The following PLCE1 variants were observed in gnomAD, a reference collection of about 807,000 sequenced individuals.
PLCE1 encodes 1-phosphatidylinositol 4,5-bisphosphate phosphodiesterase epsilon-1.
PLCE1 carries 119 observed loss-of-function variants against 242.8 expected under a neutral mutation model. The observed-to-expected ratio is 0.49, with a 90% CI of 0.42 to 0.57. The LOEUF (loss-of-function observed/expected upper bound fraction) is 0.57. Among genes scored for constraint, PLCE1 ranks in the 20% least tolerant of loss-of-function variants. The pLI is 0.00. For missense variants in PLCE1, 2,441 were observed against 2,788.8 expected, an observed-to-expected ratio of 0.88 and a Z score of 2.81; for synonymous variants, 945 against 1,017.4, an observed-to-expected ratio of 0.93 and a Z score of 1.35.
Position 94,276,773 on chromosome 10 carries a change from C to T in PLCE1, c.4666-3009C>T, listed in dbSNP as rs141018907. On this transcript the variant is annotated intron_variant, in intron 19 of 32. Transcript: ENST00000371380. ...TTAATACCCCATCATGAAATTTTGT[C>T]AGCTATCACCTTGACACTGCCCACA... Among the ~76,000 whole-genome samples, 4 of 152,286 alleles carry T rather than the reference C, an allele frequency of 2.6e-5. No homozygotes were observed. In the East Asian group the frequency reaches 7.7e-4, roughly 29 times the overall value.
intron 1 of PLCE1, among the ~76,000 whole-genome samples, chr10:94,024,089 G>C (rs1304097969): frequency 6.6e-6 from 1 of 152,144 alleles, no homozygotes; most frequent in Non-Finnish European, 1.5e-5. Context: ...TTTGCATGTG[G>C]GTGTATACAC....
intron 4 of PLCE1, among the ~76,000 whole-genome samples, chr10:94,202,909 G>C (rs948017436): frequency 3.3e-5 from 5 of 152,114 alleles, no homozygotes; most frequent in African/African-American, 1.2e-4. Flanking sequence ...GTTTTTCTTT[G>C]TGATTCTTTC....
At chr10:94,209,228 T>C (rs564325315) in intron 4 of PLCE1, among the ~76,000 whole-genome samples, 4 of 152,348 alleles carry the variant, frequency 2.6e-5, no homozygotes, top group African/African-American at 9.6e-5. Flanking sequence ...CCTGAGTTTA[T>C]GTGCTACAGG....
intron 2 of PLCE1, among the ~76,000 whole-genome samples, chr10:94,045,729 C>T (rs939843858): frequency 1.3e-5 from 2 of 152,226 alleles, no homozygotes; most frequent in East Asian, 3.9e-4. Context: ...AGCACCAGCC[C>T]TGGAAGAGTT....
Position 94,324,887 on chromosome 10 carries a change from C to T in PLCE1, c.6721-5C>T. On this transcript the variant is annotated splice_polypyrimidine_tract_variant and splice_region_variant and intron_variant, in intron 31 of 32. Transcript: ENST00000371380. Reference sequence around the variant, plus strand: ...ACACCAATGGAAGGTTCTTTGTTCCCACAGGCATCTCGAGAAGATAAAAAG... The same window carrying T: ...ACACCAATGGAAGGTTCTTTGTTCCTACAGGCATCTCGAGAAGATAAAAAG... 13 of 1,613,862 alleles carry T rather than the reference C, an allele frequency of 8.1e-6. No homozygotes were observed. The highest frequency in any genetic ancestry group is 1.1e-5 in the Non-Finnish European group (13 of 1,179,876).
chr10:94,243,025 A>T (rs1416147734), intron 7 of PLCE1, among the ~76,000 whole-genome samples: 1 of 152,174 alleles, frequency 6.6e-6, no homozygotes. Flanking sequence ...ACTCCTTAAG[A>T]GTGAGTTGGG....
chr10:94,025,653 T>A lies in PLCE1; in HGVS notation c.-364-5030T>A, dbSNP rs77279380. 8.6e-3 allele frequency among the ~76,000 whole-genome samples: 1,316 copies of A among 152,276 alleles called. 7 individuals are homozygous for A. The highest frequency in any genetic ancestry group is 0.014 in the Non-Finnish European group (946 of 68,002). ...CCATCATCCAAGATAGCCCACCCTT[T>A]GTTGAAAAGCTCTAAAAGTTAGGGA... On this transcript the variant is annotated intron_variant, in intron 1 of 32. Transcript: ENST00000371380.
At chr10:94,042,332 ATGTCT>A (rs1213152461) in intron 2 of PLCE1, among the ~76,000 whole-genome samples, 3 of 152,114 alleles carry the variant, frequency 2.0e-5, no homozygotes, top group Non-Finnish European at 2.9e-5. Context: ...GGCTTCCCAG[ATGTCT>A]TGTCTTTTAT....
intron 2 of PLCE1, among the ~76,000 whole-genome samples, chr10:94,116,309 T>C (rs2046127767): frequency 6.6e-6 from 1 of 152,248 alleles, no homozygotes; most frequent in Non-Finnish European, 1.5e-5. Flanking sequence ...ATAATGATGT[T>C]TAACATTCTG....
intron 1 of PLCE1, among the ~76,000 whole-genome samples, chr10:94,007,133 G>C (rs1036153064): frequency 4.6e-5 from 7 of 152,268 alleles, no homozygotes; most frequent in African/African-American, 1.7e-4. Context: ...CCGGTTCATA[G>C]GAAGGAGGAA....
intron 2 of PLCE1, among the ~76,000 whole-genome samples, chr10:94,063,713 A>G (rs1409291993): frequency 1.3e-5 from 2 of 152,186 alleles, no homozygotes; most frequent in Admixed American, 1.3e-4. Context: ...TACATACATA[A>G]ATTAATTACA....
At chr10:94,059,923 T>C (rs993863263) in intron 2 of PLCE1, among the ~76,000 whole-genome samples, 1 of 152,236 alleles carries the variant, frequency 6.6e-6, no homozygotes, top group African/African-American at 2.4e-5. Context: ...TTAGTTTCTA[T>C]TGTGGCTTTT....
At chr10:94,233,900 A>G (rs2050229417) in intron 5 of PLCE1, among the ~76,000 whole-genome samples, 154 bp from the exon 6 acceptor site, 2 of 152,038 alleles carry the variant, frequency 1.3e-5, no homozygotes, top group Non-Finnish European at 2.9e-5. Flanking sequence ...GTGAGCCAAG[A>G]TCGCACCACT....
chr10:94,200,575 T>C (rs2136756766), intron 4 of PLCE1, among the ~76,000 whole-genome samples: 1 of 152,308 alleles, frequency 6.6e-6, no homozygotes, highest in Middle Eastern at 3.4e-3. Context: ...GAACTCCAAA[T>C]AACTCATGAA....
At chr10:94,314,151 A>G (rs1055115436) in intron 28 of PLCE1, among the ~76,000 whole-genome samples, 1 of 152,180 alleles carries the variant, frequency 6.6e-6, no homozygotes, top group African/African-American at 2.4e-5. Context: ...AGGGACATGG[A>G]GCAGCATCCA....
intron 2 of PLCE1, among the ~76,000 whole-genome samples, chr10:94,045,243 G>A (rs1320632690): frequency 1.3e-5 from 2 of 152,064 alleles, no homozygotes; most frequent in African/African-American, 4.8e-5. Context: ...TCTTGCCTCA[G>A]CCCCCTGAGA....
At chr10:94,222,204 A>G (rs2049775079) in intron 4 of PLCE1, among the ~76,000 whole-genome samples, 1 of 152,222 alleles carries the variant, frequency 6.6e-6, no homozygotes, top group Admixed American at 6.5e-5. Context: ...AGGCAGATCC[A>G]TGCAGTGGTG....
At chr10:94,231,935 A>G (rs750110008) in intron 5 of PLCE1, among the ~76,000 whole-genome samples, 6 of 152,228 alleles carry the variant, frequency 3.9e-5, no homozygotes, top group Non-Finnish European at 7.3e-5. Flanking sequence ...ATGAGCCAGT[A>G]CTGGTCTGCG....
intron 2 of PLCE1, among the ~76,000 whole-genome samples, chr10:94,035,313 T>C (rs1044972481): frequency 6.6e-6 from 1 of 152,176 alleles, no homozygotes; most frequent in African/African-American, 2.4e-5. Flanking sequence ...TTCAGAATAA[T>C]TTTTGGTATG....
Sources: gnomAD v4.1 joint callset for allele counts (sites outside exome capture counted in the v4.1 genomes callset) on GRCh38, gnomAD v4.1.1 for gene constraint, MANE v1.5 for transcripts, NCBI Gene and HGNC (gene_info 2026-07-23, HGNC 2026-07-21) for gene names.